HTR1F: variants seen among roughly 807,000 people sequenced by gnomAD.
HTR1F encodes the protein 5-hydroxytryptamine (serotonin) receptor 1F, G protein-coupled.
HTR1F carries 17 observed loss-of-function variants against 24.0 expected under a neutral mutation model. The ratio of observed to expected loss-of-function variants is 0.71; its 90% CI spans 0.48 to 1.06. The LOEUF (loss-of-function observed/expected upper bound fraction) is 1.06, where lower values mean the gene tolerates loss of function less well. Among genes scored for constraint, HTR1F ranks in the 50% least tolerant of loss-of-function variants. HTR1F has a pLI of 0.00. For missense variants in HTR1F, 391 were observed against 427.8 expected, an observed-to-expected ratio of 0.91 and a Z score of 0.76; for synonymous variants, 186 against 156.8, an observed-to-expected ratio of 1.19 and a Z score of -1.39.
At chr3:87,929,465 TA>T (rs1704207273) in intron 2 of HTR1F, among the ~76,000 whole-genome samples, 1 of 152,212 alleles carries the variant, frequency 6.6e-6, no homozygotes, top group Non-Finnish European at 1.5e-5. Flanking sequence ...AACTTCTCTG[TA>T]TTGGGAATAG....
Position 87,811,093 on chromosome 3 carries a change from G to A in HTR1F, c.-159-10915G>A, listed in dbSNP as rs150781674. Among the ~76,000 whole-genome samples, 586 of 152,202 alleles carry A rather than the reference G, an allele frequency of 3.9e-3. 6 individuals carry two copies. Among genetic ancestry groups the A allele is most frequent in the African/African-American group, 0.014 (563 of 41,526 alleles). ...TTAATTTGTTTCTTCCCTTAGTTCAGAAAGGCTCTTTAATTCATACTTCTT... is the reference window on the plus strand; with the variant it reads ...TTAATTTGTTTCTTCCCTTAGTTCAAAAAGGCTCTTTAATTCATACTTCTT... On this transcript the variant is annotated intron_variant, in intron 1 of 2. Coordinates refer to ENST00000319595, the MANE Select transcript of HTR1F (RefSeq NM_001322209.2).
At chr3:87,945,099 C>T (rs1413201078) in intron 2 of HTR1F, among the ~76,000 whole-genome samples, 2 of 146,748 alleles carry the variant, frequency 1.4e-5, no homozygotes, top group Admixed American at 6.7e-5. Context: ...CCATCTCTCT[C>T]TCTGTCTCCT....
intron 2 of HTR1F, among the ~76,000 whole-genome samples, chr3:87,932,470 G>C (rs7613039): frequency 6.6e-6 from 1 of 151,954 alleles, no homozygotes; most frequent in Non-Finnish European, 1.5e-5. Flanking sequence ...GTTTGAAGAC[G>C]GGTAGTGTGA....
rs572832523 is a variant in HTR1F at position 87,899,655 on chromosome 3, G to A, written c.-43+77531G>A. ...AGGCGGGCTGATCACTTGGGGTGAG[G>A]AGTTCGAGACCAGACTGGCCAACAT... On this transcript the variant is annotated intron_variant, in intron 2 of 2. Coordinates refer to ENST00000319595, the MANE Select transcript of HTR1F (RefSeq NM_001322209.2). 2.5e-4 allele frequency among the ~76,000 whole-genome samples: 38 copies of A among 152,272 alleles called. 1 individual carries two copies. The South Asian group carries it at 7.7e-3, about 31-fold the overall frequency.
At chr3:87,946,417 C>T (rs902102031) in intron 2 of HTR1F, among the ~76,000 whole-genome samples, 2 of 151,926 alleles carry the variant, frequency 1.3e-5, no homozygotes, top group Non-Finnish European at 2.9e-5. Flanking sequence ...ATAAAAGAAC[C>T]TGAAGTCTTG....
intron 2 of HTR1F, among the ~76,000 whole-genome samples, chr3:87,885,612 A>C (rs201768334): frequency 7.2e-6 from 1 of 138,102 alleles, no homozygotes; most frequent in African/African-American, 3.1e-5. Flanking sequence ...TAATAAAGAA[A>C]AGAGAGAAGA....
At chr3:87,965,408 T>C (rs1408402635) in intron 2 of HTR1F, among the ~76,000 whole-genome samples, 1 of 152,164 alleles carries the variant, frequency 6.6e-6, no homozygotes, top group Non-Finnish European at 1.5e-5. Flanking sequence ...TTTTCATATA[T>C]ATTGCAAAAC....
rs187461724 is a variant in HTR1F at position 87,914,547 on chromosome 3, C to T, written c.-42-76161C>T. The stretch of plus-strand genomic sequence containing the variant: ...CCAGCCTTTCTGATTGTTTAGGAGA[C>T]AGGTGAGGCCTGTAACTGCCAGCTT... On this transcript the variant is annotated intron_variant, in intron 2 of 2. Coordinates refer to ENST00000319595, the MANE Select transcript of HTR1F (RefSeq NM_001322209.2). Among the ~76,000 whole-genome samples, 1,062 of 152,098 alleles carry T rather than the reference C, an allele frequency of 7.0e-3. 10 individuals are homozygous for T. The highest frequency in any genetic ancestry group is 0.027 in the South Asian group (131 of 4,816).
At chr3:87,802,240 CCTT>C (rs1704005565) in intron 1 of HTR1F, among the ~76,000 whole-genome samples, 1 of 80,138 alleles carries the variant, frequency 1.2e-5, no homozygotes, top group Admixed American at 1.2e-4. Context: ...TCCCTCCCTT[CCTT>C]CCTTCCTTCC....
At chr3:87,801,068 G>A (rs1703982715) in intron 1 of HTR1F, among the ~76,000 whole-genome samples, 2 of 151,872 alleles carry the variant, frequency 1.3e-5, no homozygotes, top group South Asian at 4.2e-4. Context: ...CTTTTTTCTT[G>A]AAATGAATAT....
intron 2 of HTR1F, among the ~76,000 whole-genome samples, chr3:87,990,362 G>C (rs899188185): frequency 1.3e-5 from 2 of 152,110 alleles, no homozygotes; most frequent in African/African-American, 4.8e-5. Flanking sequence ...GCGTTATTGA[G>C]ATCGGGCCTG....
intron 2 of HTR1F, among the ~76,000 whole-genome samples, chr3:87,872,079 G>A (rs1330756628): frequency 6.6e-6 from 1 of 151,858 alleles, no homozygotes; most frequent in Non-Finnish European, 1.5e-5. Context: ...CAATTAAATG[G>A]ACATAGAATC....
intron 2 of HTR1F, among the ~76,000 whole-genome samples, chr3:87,870,989 G>GAAAA (rs35317346): frequency 2.2e-5 from 3 of 135,154 alleles, no homozygotes; most frequent in African/African-American, 5.2e-5. Context: ...CCAAATCTCA[G>GAAAA]AAAAAAAAAA....
chr3:87,874,948 T>C (rs1705636746), intron 2 of HTR1F, among the ~76,000 whole-genome samples: 1 of 152,178 alleles, frequency 6.6e-6, no homozygotes, highest in Admixed American at 6.5e-5. Flanking sequence ...AGAATGAGAT[T>C]AGATCCTTAC....
chr3:87,876,270 A>G (rs1378515162), intron 2 of HTR1F, among the ~76,000 whole-genome samples: 2 of 152,194 alleles, frequency 1.3e-5, no homozygotes, highest in East Asian at 3.8e-4. Flanking sequence ...CTCCAAAATA[A>G]TTGAAAACAG....
intron 2 of HTR1F, among the ~76,000 whole-genome samples, chr3:87,947,868 C>A (rs771675859): frequency 2.2e-4 from 33 of 152,028 alleles, no homozygotes; most frequent in Non-Finnish European, 1.3e-4. Flanking sequence ...TCTTTCTTAA[C>A]ACACTCAAAT....
In HTR1F at chr3:87,930,327, A is replaced by G. The variant is rs867055427; in HGVS notation, c.-42-60381A>G. On this transcript the variant is annotated intron_variant, in intron 2 of 2. Transcript: ENST00000319595. Reference sequence around the variant, plus strand: ...CAGGACTTCCAATACTATGTTGAATATGAGTGGTGAGAGAGGGCATCCTTG... The same window carrying G: ...CAGGACTTCCAATACTATGTTGAATGTGAGTGGTGAGAGAGGGCATCCTTG... 3.9e-5 allele frequency among the ~76,000 whole-genome samples: 6 copies of G among 152,272 alleles called. 1 individual carries two copies. The highest frequency in any genetic ancestry group is 6.8e-3 in the Middle Eastern group (2 of 294).
At chr3:87,875,098 A>C (rs1705640396) in intron 2 of HTR1F, among the ~76,000 whole-genome samples, 1 of 152,204 alleles carries the variant, frequency 6.6e-6, no homozygotes. Flanking sequence ...GATATGACAC[A>C]AAAGCACAGG....
chr3:87,806,509 T>C (rs1230240883), intron 1 of HTR1F, among the ~76,000 whole-genome samples: 2 of 152,092 alleles, frequency 1.3e-5, no homozygotes, highest in African/African-American at 4.8e-5. Flanking sequence ...AATGGAATTA[T>C]TTGTTTTATT....
Sources: gnomAD v4.1 joint callset for allele counts (sites outside exome capture counted in the v4.1 genomes callset) on GRCh38, gnomAD v4.1.1 for gene constraint, MANE v1.5 for transcripts, NCBI Gene and HGNC (gene_info 2026-07-23, HGNC 2026-07-21) for gene names.